SPATS2L: variants seen among roughly 807,000 people sequenced by gnomAD.
SPATS2L encodes SPATS2-like protein.
SPATS2L carries 30 observed loss-of-function variants against 59.6 expected under a neutral mutation model. That is an observed-to-expected ratio of 0.50 (90% CI 0.38 to 0.68). The LOEUF (loss-of-function observed/expected upper bound fraction) is 0.68. Among genes scored for constraint, SPATS2L ranks in the 30% least tolerant of loss-of-function variants. SPATS2L has a pLI of 0.00. For synonymous variants in SPATS2L, 252 were observed against 263.5 expected, an observed-to-expected ratio of 0.96 and a Z score of 0.42; for missense variants, 615 against 700.0, an observed-to-expected ratio of 0.88 and a Z score of 1.37.
At chr2:200,477,391 C>A (rs1157702785) in intron 12 of SPATS2L, among the ~76,000 whole-genome samples, 1 of 151,950 alleles carries the variant, frequency 6.6e-6, no homozygotes, top group Non-Finnish European at 1.5e-5. Context: ...TCTTACACTT[C>A]TGTAACCTCT....
intron 2 of SPATS2L, among the ~76,000 whole-genome samples, chr2:200,351,833 C>G (rs1181987904): frequency 6.6e-6 from 1 of 152,086 alleles, no homozygotes; most frequent in Admixed American, 6.5e-5. Context: ...TTATAAATCC[C>G]CTGCTCCTTG....
intron 8 of SPATS2L, among the ~76,000 whole-genome samples, chr2:200,452,125 G>T (rs765233505): frequency 2.0e-4 from 31 of 152,244 alleles, no homozygotes; most frequent in Admixed American, 1.3e-3. Context: ...GGAAGCGGGG[G>T]AGTCAGCATT....
At chr2:200,367,224 G>A (rs1040055858) in intron 2 of SPATS2L, among the ~76,000 whole-genome samples, 1 of 152,128 alleles carries the variant, frequency 6.6e-6, no homozygotes, top group African/African-American at 2.4e-5. Context: ...TTAGCTTATA[G>A]GCTAATTAAC....
At chr2:200,378,532 C>T (rs1188785517) in intron 2 of SPATS2L, among the ~76,000 whole-genome samples, 2 of 152,150 alleles carry the variant, frequency 1.3e-5, no homozygotes, top group East Asian at 1.9e-4. Flanking sequence ...TAAGGCAGTA[C>T]ATCATATACT....
intron 1 of SPATS2L, among the ~76,000 whole-genome samples, chr2:200,316,335 T>A (rs1396585037): frequency 6.6e-6 from 1 of 152,214 alleles, no homozygotes; most frequent in African/African-American, 2.4e-5. Context: ...ATTTGCTTCA[T>A]GAGTAGGCAT....
intron 2 of SPATS2L, among the ~76,000 whole-genome samples, chr2:200,371,176 T>C (rs760132917): frequency 7.2e-5 from 11 of 152,218 alleles, no homozygotes; most frequent in Non-Finnish European, 1.3e-4. Flanking sequence ...TGTATATATG[T>C]ATCTCAGGGT....
intron 10 of SPATS2L, among the ~76,000 whole-genome samples, chr2:200,469,034 T>C (rs2086833878): frequency 6.6e-6 from 1 of 152,216 alleles, no homozygotes; most frequent in Non-Finnish European, 1.5e-5. Flanking sequence ...ACACATTCTC[T>C]TAGACTCGTA....
intron 2 of SPATS2L, among the ~76,000 whole-genome samples, chr2:200,365,179 G>T (rs886256991): frequency 2.0e-5 from 3 of 152,214 alleles, no homozygotes; most frequent in African/African-American, 7.2e-5. Context: ...TACTACCCAA[G>T]TGCTAATATT....
chr2:200,396,012 A>AC (rs1559095217), intron 3 of SPATS2L, among the ~76,000 whole-genome samples: 3 of 10,550 alleles, frequency 2.8e-4, no homozygotes, highest in Non-Finnish European at 4.4e-4. Flanking sequence ...CTCGATCTGG[A>AC]AAAAAAAAAA....
intron 8 of SPATS2L, among the ~76,000 whole-genome samples, chr2:200,442,766 G>T (rs2084781723): frequency 6.6e-6 from 1 of 152,148 alleles, no homozygotes; most frequent in Non-Finnish European, 1.5e-5. Flanking sequence ...ATTTATAACA[G>T]ATTCTGTGAG....
intron 6 of SPATS2L, among the ~76,000 whole-genome samples, chr2:200,437,885 G>GT (rs905469991): frequency 7.2e-5 from 11 of 152,074 alleles, no homozygotes; most frequent in Non-Finnish European, 1.3e-4. Flanking sequence ...GATATTCATT[G>GT]TTTTTTATTT....
rs2082095040 is a variant in SPATS2L at position 200,389,242 on chromosome 2, A to T, written c.-3A>T. The T allele has an allele frequency of 1.9e-6, 3 of 1,581,476 alleles. No homozygotes were observed. The highest frequency in any genetic ancestry group is 2.6e-6 in the Non-Finnish European group (3 of 1,161,428). On this transcript the variant is annotated 5_prime_UTR_variant, in exon 3 of 13. Transcript: ENST00000409140. ...TTATAGGGCCTATTCCACTAGAAGC[A>T]AGATGGCTGAACTCAATACTCATGT...
At chr2:200,312,217 C>T (rs551867074) in intron 1 of SPATS2L, among the ~76,000 whole-genome samples, 2 of 152,266 alleles carry the variant, frequency 1.3e-5, no homozygotes, top group Non-Finnish European at 2.9e-5. Context: ...CTCAGAAAGG[C>T]CTCCTGCATT....
At chr2:200,325,640 A>G (rs1020878036) in intron 1 of SPATS2L, among the ~76,000 whole-genome samples, 2 of 152,116 alleles carry the variant, frequency 1.3e-5, no homozygotes, top group Non-Finnish European at 2.9e-5. Context: ...TAGCCTCCCA[A>G]AGTGCTGGGA....
chr2:200,409,253 C>T lies in SPATS2L; in HGVS notation c.40-3058C>T, dbSNP rs1032097306. On this transcript the variant is annotated intron_variant, in intron 3 of 12. Coordinates refer to ENST00000409140, the MANE Select transcript of SPATS2L (RefSeq NM_001100423.2). ...TTGATCCATTCCTTCCAGGAGCATC[C>T]GTCCTCAGAAGCTTGGTTTCCAACT... Among the ~76,000 whole-genome samples, 3 of 152,334 alleles carry T rather than the reference C, an allele frequency of 2.0e-5. 1 individual carries two copies. Among genetic ancestry groups the T allele is most frequent in the Non-Finnish European group, 4.4e-5 (3 of 68,028 alleles).
At chr2:200,365,899 T>A (rs1353144687) in intron 2 of SPATS2L, among the ~76,000 whole-genome samples, 1 of 152,042 alleles carries the variant, frequency 6.6e-6, no homozygotes, top group African/African-American at 2.4e-5. Context: ...TTTCATGTAC[T>A]GTTCTTTTAG....
At chr2:200,360,260 A>G (rs1041651559) in intron 2 of SPATS2L, among the ~76,000 whole-genome samples, 1 of 152,164 alleles carries the variant, frequency 6.6e-6, no homozygotes, top group Non-Finnish European at 1.5e-5. Context: ...CTAGTTTCCT[A>G]CAGTGTGCCA....
intron 8 of SPATS2L, among the ~76,000 whole-genome samples, chr2:200,443,047 C>G (rs567008789): frequency 9.8e-5 from 15 of 152,302 alleles, no homozygotes; most frequent in East Asian, 3.9e-4. Context: ...ATTTTCTGAT[C>G]TAATCCTTAA....
intron 7 of SPATS2L, among the ~76,000 whole-genome samples, chr2:200,439,800 A>G (rs1245154868): frequency 6.6e-6 from 1 of 152,198 alleles, no homozygotes; most frequent in Non-Finnish European, 1.5e-5. Flanking sequence ...TTTACACACA[A>G]TGTAACATTG....
Sources: allele counts gnomAD v4.1 joint callset (sites outside exome capture counted in the v4.1 genomes callset), GRCh38; gene constraint gnomAD v4.1.1; transcripts MANE v1.5; gene names NCBI Gene and HGNC (gene_info 2026-07-23, HGNC 2026-07-21).